Variants in PTPN12 observed in about 807,000 individuals in gnomAD.
PTPN12 encodes protein tyrosine phosphatase non-receptor type 12, also known as tyrosine-protein phosphatase non-receptor type 12.
In PTPN12, 29 loss-of-function variants were observed where a neutral mutation model predicts 97.6. That is an observed-to-expected ratio of 0.30 (90% confidence interval 0.22 to 0.41). PTPN12 has a LOEUF of 0.41. Ranked by LOEUF, PTPN12 falls within the 10% of genes least tolerant of loss-of-function variation. The pLI is 1.00. For synonymous variants in PTPN12, 327 were observed against 300.4 expected (o/e 1.09, Z -0.91); for missense variants, 819 against 926.0 (o/e 0.88, Z 1.50).
chr7:77,610,662 C>T, intron 9 of PTPN12, 103 bp from the exon 10 acceptor site: 3 of 1,182,568 alleles, frequency 2.5e-6, no homozygotes, highest in East Asian at 2.5e-5. Context: ...TAAATGTTTG[C>T]AGTAAACCAG....
At chr7:77,576,200 G>A (rs1787337618) in intron 2 of PTPN12, among the ~76,000 whole-genome samples, 1 of 152,056 alleles carries the variant, frequency 6.6e-6, no homozygotes, top group East Asian at 1.9e-4. Flanking sequence ...AGCATGCATC[G>A]ATAGTTCATT....
Position 77,636,933 on chromosome 7 carries a change from A to G in PTPN12, c.2143-85A>G. 6 of 1,000,112 alleles carry G rather than the reference A, an allele frequency of 6.0e-6. 1 individual carries two copies. The South Asian group carries it at 7.8e-5, about 13-fold the overall frequency. The allele number at this position is 1,000,112 out of a possible 1,614,324, so 62.0% of individuals were successfully genotyped here. ...AAATGATAGGCCTTGATTTCTTGGG[A>G]TATATACCCATAACAGACCCAGCTT... On this transcript the variant is annotated intron_variant, in intron 15 of 17. Transcript: ENST00000248594.
chr7:77,597,739 A>T (rs757818253), intron 6 of PTPN12, 103 bp from the exon 7 acceptor site: 25 of 1,346,656 alleles, frequency 1.9e-5, no homozygotes, highest in African/African-American at 3.0e-5. Flanking sequence ...AATTTTAAAG[A>T]TTAATTTTAT....
chr7:77,581,468 C>A lies in PTPN12; in HGVS notation c.250C>A (p.Gln84Lys). ...RVKLTLKTPS[Q>K]DSDYINANFI... ...TAAATTGACATTAAAGACTCCTTCACAAGATTCAGACTATATCAATGCAAA... is the reference window on the plus strand; with the variant it reads ...TAAATTGACATTAAAGACTCCTTCAAAAGATTCAGACTATATCAATGCAAA... Residue 84 changes from glutamine (Q) to lysine (K), a missense_variant, in exon 3 of 18, where the codon CAA becomes AAA. By Grantham distance (53) the Gln-to-Lys change is moderately conservative (BLOSUM62 1). This residue lies in a region of PTPN12 where 66 missense variants were observed against 133.6 expected (regional missense o/e 0.49). Coordinates refer to ENST00000248594, the MANE Select transcript of PTPN12 (RefSeq NM_002835.4). The A allele has an allele frequency of 2.5e-6, 4 of 1,607,840 alleles. No individual in the cohort carries two copies. Among genetic ancestry groups the A allele is most frequent in the Non-Finnish European group, 3.4e-6 (4 of 1,176,122 alleles).
chr7:77,585,612 AT>A, intron 5 of PTPN12, 31 bp downstream of exon 5: 1 of 1,529,688 alleles, frequency 6.5e-7, no homozygotes, highest in Non-Finnish European at 9.0e-7. Context: ...TTACTATTTC[AT>A]TTTTACGGAT....
chr7:77,625,554 G>A (rs6971132), intron 12 of PTPN12, among the ~76,000 whole-genome samples: 693 of 14,770 alleles, frequency 0.047, 53 homozygotes, highest in East Asian at 0.13. Context: ...TCTCTCTCTC[G>A]CTCTCTCTCT....
In PTPN12 at chr7:77,597,408, C is replaced by G. The variant is rs116897612; in HGVS notation, c.493-434C>G. Reference sequence around the variant, plus strand: ...GAAGTGCTGGAATTACAGGCATGAGCCACTGCTCCCAGCTCAGAAGTCATA... The same window carrying G: ...GAAGTGCTGGAATTACAGGCATGAGGCACTGCTCCCAGCTCAGAAGTCATA... On this transcript the variant is annotated intron_variant, in intron 6 of 17. Coordinates refer to ENST00000248594, the MANE Select transcript of PTPN12 (RefSeq NM_002835.4). Among the ~76,000 whole-genome samples the G allele has an allele frequency of 3.8e-3, 585 of 152,328 alleles. 2 individuals carry two copies. Among genetic ancestry groups the G allele is most frequent in the Non-Finnish European group, 6.9e-3 (467 of 68,032 alleles).
intron 1 of PTPN12, among the ~76,000 whole-genome samples, chr7:77,546,596 T>C (rs137952955): frequency 1.1e-3 from 163 of 152,356 alleles, no homozygotes; most frequent in African/African-American, 3.6e-3. Flanking sequence ...ATGGCAGATA[T>C]AAGAAGCAAA....
At chr7:77,565,086 C>T (rs1157534134) in intron 1 of PTPN12, among the ~76,000 whole-genome samples, 3 of 143,394 alleles carry the variant, frequency 2.1e-5, no homozygotes, top group South Asian at 2.1e-4. Context: ...AGTGTTATAA[C>T]ATTGAGGAAT....
chr7:77,611,264 A>G (rs543962273), intron 11 of PTPN12, among the ~76,000 whole-genome samples: 1 of 152,366 alleles, frequency 6.6e-6, no homozygotes, highest in South Asian at 2.1e-4. Context: ...TAAATGAAAT[A>G]AAGTTAGGAA....
intron 6 of PTPN12, among the ~76,000 whole-genome samples, chr7:77,596,058 A>G (rs1175581503): frequency 6.6e-6 from 1 of 152,204 alleles, no homozygotes; most frequent in African/African-American, 2.4e-5. Flanking sequence ...ATGGTTGAAG[A>G]TAGGATATGG....
At chr7:77,573,733 G>A (rs529452055) in intron 2 of PTPN12, among the ~76,000 whole-genome samples, 9 of 152,224 alleles carry the variant, frequency 5.9e-5, no homozygotes, top group East Asian at 3.9e-4. Flanking sequence ...TCGTCTAGCC[G>A]TAGGTTTCTC....
At chr7:77,622,800 A>G (rs1318653851) in intron 12 of PTPN12, among the ~76,000 whole-genome samples, 1 of 147,642 alleles carries the variant, frequency 6.8e-6, no homozygotes, top group African/African-American at 2.4e-5. Context: ...AAATTAAAAT[A>G]CTATAAATTT....
chr7:77,601,354 C>A (rs1226475054), intron 8 of PTPN12, among the ~76,000 whole-genome samples: 1 of 152,088 alleles, frequency 6.6e-6, no homozygotes, highest in Non-Finnish European at 1.5e-5. Context: ...CCACACTGAA[C>A]TAATTTTTTT....
intron 1 of PTPN12, among the ~76,000 whole-genome samples, chr7:77,551,846 G>A (rs1807493406): frequency 6.6e-6 from 1 of 152,156 alleles, no homozygotes; most frequent in African/African-American, 2.4e-5. Context: ...GTTATAAGAA[G>A]TTAGTATGAG....
At chr7:77,539,520 A>G (rs1312385457) in intron 1 of PTPN12, among the ~76,000 whole-genome samples, 2 of 152,194 alleles carry the variant, frequency 1.3e-5, no homozygotes, top group Admixed American at 6.5e-5. Flanking sequence ...AATTGGATGG[A>G]GTCCCTTTTT....
chr7:77,588,157 T>A (rs1582304), intron 5 of PTPN12, among the ~76,000 whole-genome samples: 20,721 of 152,216 alleles, frequency 0.14, 1,508 homozygotes, highest in African/African-American at 0.18. Context: ...CTTGGCTGAT[T>A]AGTACAAGAG....
At chr7:77,610,481 G>A (rs1413381713) in intron 9 of PTPN12, among the ~76,000 whole-genome samples, 2 of 152,088 alleles carry the variant, frequency 1.3e-5, no homozygotes, top group Admixed American at 6.6e-5. Flanking sequence ...ATCCAACTAT[G>A]TTGTAGCTGC....
chr7:77,537,691 C>T, intron 1 of PTPN12, 46 bp downstream of exon 1: 2 of 1,530,256 alleles, frequency 1.3e-6, no homozygotes, highest in Non-Finnish European at 1.8e-6. Flanking sequence ...GGCGCCGGAG[C>T]CCATCGCCGC....
Sources: gnomAD v4.1 joint callset for allele counts (sites outside exome capture counted in the v4.1 genomes callset) on GRCh38, gnomAD v4.1.1 for gene constraint, gnomAD v4.1.1 regional missense constraint, MANE v1.5 for transcripts, NCBI Gene and HGNC (gene_info 2026-07-23, HGNC 2026-07-21) for gene names.